ARHGEF7: variants seen among roughly 807,000 people sequenced by gnomAD.
The protein encoded by ARHGEF7 is Rho guanine nucleotide exchange factor 7.
In ARHGEF7, 33 loss-of-function variants were observed where a neutral mutation model predicts 109.8. The observed-to-expected ratio is 0.30, with a 90% CI of 0.23 to 0.40. The LOEUF (loss-of-function observed/expected upper bound fraction) is 0.40. Among genes scored for constraint, ARHGEF7 ranks in the 10% least tolerant of loss-of-function variants. ARHGEF7 has a pLI of 1.00. For synonymous variants in ARHGEF7, 458 were observed against 424.6 expected, an observed-to-expected ratio of 1.08 and a Z score of -0.97; for missense variants, 938 against 1,098.5, an observed-to-expected ratio of 0.85 and a Z score of 2.07.
intron 1 of ARHGEF7, among the ~76,000 whole-genome samples, chr13:111,116,812 G>A (rs1254991868): frequency 6.6e-6 from 1 of 152,134 alleles, no homozygotes; most frequent in Non-Finnish European, 1.5e-5. Context: ...TTTAAATGAG[G>A]TCAGAAAACA....
At chr13:111,138,553 A>T (rs1002431228) in intron 1 of ARHGEF7, among the ~76,000 whole-genome samples, 3 of 152,180 alleles carry the variant, frequency 2.0e-5, no homozygotes, top group Non-Finnish European at 4.4e-5. Flanking sequence ...TGTGGAGTTC[A>T]GCTGAGCCGT....
chr13:111,292,619 G>A, intron 19 of ARHGEF7: 4 of 1,201,170 alleles, frequency 3.3e-6, no homozygotes, highest in Non-Finnish European at 4.1e-6. Context: ...TTTATTCTCA[G>A]TGTAGCAACT....
intron 2 of ARHGEF7, among the ~76,000 whole-genome samples, chr13:111,172,081 C>T (rs1196613661): frequency 6.6e-6 from 1 of 152,140 alleles, no homozygotes; most frequent in Non-Finnish European, 1.5e-5. Context: ...TGGCAGAGAG[C>T]ATCAGTACAC....
chr13:111,223,925 C>G (rs2084820760), intron 5 of ARHGEF7, among the ~76,000 whole-genome samples: 1 of 150,034 alleles, frequency 6.7e-6, no homozygotes, highest in African/African-American at 2.5e-5. Flanking sequence ...GGCATAATCT[C>G]AGCTCACTGC....
At chr13:111,265,771 T>G in intron 8 of ARHGEF7, 1 of 454,334 alleles carries the variant, frequency 2.2e-6, no homozygotes, top group Non-Finnish European at 4.4e-6. Context: ...ATCAGCAGCC[T>G]TGTAACAGCT....
intron 2 of ARHGEF7, among the ~76,000 whole-genome samples, chr13:111,204,277 C>T (rs2081512322): frequency 6.6e-6 from 1 of 152,266 alleles, no homozygotes; most frequent in African/African-American, 2.4e-5. Flanking sequence ...AGGTGGGGCC[C>T]TTGTCCACTG....
intron 9 of ARHGEF7, among the ~76,000 whole-genome samples, chr13:111,268,971 A>G (rs1294832736): frequency 1.3e-5 from 2 of 152,246 alleles, no homozygotes; most frequent in East Asian, 3.8e-4. Flanking sequence ...AAGCATCTGC[A>G]GCCCTGAAAG....
chr13:111,155,085 C>T lies in ARHGEF7; in HGVS notation c.252+1094C>T, dbSNP rs1465255701. Among the ~76,000 whole-genome samples the T allele has an allele frequency of 2.0e-5, 3 of 151,862 alleles. No homozygotes were observed. The East Asian group carries it at 5.8e-4, about 29-fold the overall frequency. ...ATAATGTACTAGGTAGTGTATGAAA[C>T]CTAGAGATGATTTAATGTTTACGGG... On this transcript the variant is annotated intron_variant, in intron 2 of 21. Coordinates refer to ENST00000646102, the MANE Select transcript of ARHGEF7 (RefSeq NM_001354046.2).
At chr13:111,295,229 GA>G (rs2093401389) in intron 19 of ARHGEF7, 1 of 983,336 alleles carries the variant, frequency 1.0e-6, no homozygotes, top group Non-Finnish European at 1.2e-6. Flanking sequence ...TGGGGGAGGG[GA>G]ATAGCATAGT....
At chr13:111,292,511 G>T in intron 19 of ARHGEF7, 11 of 1,426,784 alleles carry the variant, frequency 7.7e-6, no homozygotes, top group Non-Finnish European at 1.0e-5. Flanking sequence ...ACATTCGAAT[G>T]ACTGACTATT....
At chr13:111,203,283 A>G (rs1484338759) in intron 2 of ARHGEF7, among the ~76,000 whole-genome samples, 1 of 152,244 alleles carries the variant, frequency 6.6e-6, no homozygotes, top group Non-Finnish European at 1.5e-5. Flanking sequence ...TGTTTTGCAT[A>G]TAAGGAAGCT....
intron 1 of ARHGEF7, chr13:111,143,758 A>G (rs1311438773): frequency 6.6e-6 from 1 of 152,210 alleles, no homozygotes; most frequent in Admixed American, 6.5e-5. Flanking sequence ...TGCCCACCCC[A>G]GCTGCACTTG....
rs532446457 is a variant in ARHGEF7, at chr13:111,208,112, C to T, written c.338-1760C>T. Among the ~76,000 whole-genome samples, 56 of 152,324 alleles carry T rather than the reference C, an allele frequency of 3.7e-4. 1 individual carries two copies. Among genetic ancestry groups the T allele is most frequent in the African/African-American group, 1.1e-3 (47 of 41,562 alleles). On this transcript the variant is annotated intron_variant, in intron 3 of 21. Transcript: ENST00000646102. ...CTGGAGTGCAATGGCATGATCTTGG[C>T]TCACCGCAACCTCCGCCTCCTGGAT...
At chr13:111,157,693 A>G (rs1471055650) in intron 2 of ARHGEF7, among the ~76,000 whole-genome samples, 1 of 152,250 alleles carries the variant, frequency 6.6e-6, no homozygotes, top group African/African-American at 2.4e-5. Context: ...GTAAACAGCT[A>G]CAGAGAAATT....
At chr13:111,295,964 A>T (rs975132319) in intron 19 of ARHGEF7, among the ~76,000 whole-genome samples, 1 of 152,226 alleles carries the variant, frequency 6.6e-6, no homozygotes, top group Non-Finnish European at 1.5e-5. Flanking sequence ...CTTTTGGTAC[A>T]GGCAGGCTTA....
intron 1 of ARHGEF7, among the ~76,000 whole-genome samples, chr13:111,127,869 A>T (rs1186497374): frequency 1.3e-5 from 2 of 152,216 alleles, no homozygotes; most frequent in Non-Finnish European, 1.5e-5. Context: ...AAAAGATAAG[A>T]TATCATAACC....
intron 9 of ARHGEF7, among the ~76,000 whole-genome samples, chr13:111,267,906 CTAATAGGTTGAAGGGGTTAG>C (rs1452949936): frequency 2.0e-5 from 3 of 150,570 alleles, no homozygotes; most frequent in African/African-American, 7.3e-5. Context: ...AGCCCTTTGG[CTAATAGGTTGAAGGGGTTAG>C]TAAGTGTTCT....
Position 111,287,200 on chromosome 13 carries a change from T to C in ARHGEF7, c.2044+960T>C, listed in dbSNP as rs547360821. ...TAAGTCACCATCCTGACTGTCCTTC[T>C]CCTTAGGTAGTCCAGGTCCCTGACC... is the stretch of plus-strand genomic sequence containing the variant. On this transcript the variant is annotated intron_variant, in intron 17 of 21. Transcript: ENST00000646102. Among the ~76,000 whole-genome samples the C allele has an allele frequency of 2.0e-5, 3 of 152,310 alleles. 1 individual carries two copies. Among genetic ancestry groups the C allele is most frequent in the Admixed American group, 2.0e-4 (3 of 15,308 alleles).
chr13:111,255,198 T>C lies in ARHGEF7; in HGVS notation c.950+10904T>C, dbSNP rs35453738. Among the ~76,000 whole-genome samples, 430 of 123,460 alleles carry C rather than the reference T, an allele frequency of 3.5e-3. 1 individual carries two copies. In the Middle Eastern group the frequency reaches 0.045, roughly 13 times the overall value. 81.0% of individuals were successfully genotyped at this position (123,460 alleles called of 152,430 possible). A position where few individuals can be genotyped will look rare whatever the true frequency, so the allele number is the denominator to read the frequency against. On this transcript the variant is annotated intron_variant, in intron 8 of 21. Transcript: ENST00000646102. The surrounding 1 kb of genome is among the most constrained non-coding windows in gnomAD (Gnocchi z 4.1). ...TGAGTCGCTAACGTGAAGGCCGGGC[T>C]CAGAAGAGGATTCGGGCTAAGGCGC...
Sources: allele counts gnomAD v4.1 joint callset (sites outside exome capture counted in the v4.1 genomes callset), GRCh38; gene constraint gnomAD v4.1.1; non-coding constraint Gnocchi (gnomAD v3.1); transcripts MANE v1.5; gene names NCBI Gene and HGNC (gene_info 2026-07-23, HGNC 2026-07-21).